The following FANCC variants were observed in gnomAD, a reference collection of about 807,000 sequenced individuals.
FANCC encodes the protein FA complementation group C, also known as Fanconi anemia group C protein.
A neutral mutation model predicts 71.3 loss-of-function variants in FANCC; 55 were observed. The ratio of observed to expected loss-of-function variants is 0.77; its 90% confidence interval spans 0.62 to 0.97. The LOEUF (loss-of-function observed/expected upper bound fraction) is 0.97. Among genes scored for constraint, FANCC ranks in the 50% least tolerant of loss-of-function variants. FANCC has a pLI of 0.00. For missense variants in FANCC, 678 were observed against 670.9 expected (o/e 1.01, Z -0.12); for synonymous variants, 275 against 244.9 (o/e 1.12, Z -1.15).
intron 7 of FANCC, among the ~76,000 whole-genome samples, chr9:95,148,548 A>G (rs1308635761): frequency 6.6e-6 from 1 of 152,246 alleles, no homozygotes; most frequent in Non-Finnish European, 1.5e-5. Context: ...GTCCACCAAC[A>G]TAAGCTTGAC....
chr9:95,222,313 G>T (rs887398477), intron 4 of FANCC, among the ~76,000 whole-genome samples: 3 of 151,826 alleles, frequency 2.0e-5, no homozygotes, highest in African/African-American at 7.3e-5. Flanking sequence ...ACAATAAAAA[G>T]TAATCAGCTA....
Position 95,258,524 on chromosome 9 carries a change from T to C in FANCC, c.-78-9155A>G, listed in dbSNP as rs554589527. On this transcript the variant is annotated intron_variant, in intron 1 of 14. Coordinates refer to ENST00000289081, the MANE Select transcript of FANCC (RefSeq NM_000136.3). Reference sequence around the variant, plus strand: ...CTAAAAACTCTCAATAAACTAGGTATTGATGGAACGTATCTCAAAATAATA... The same window carrying C: ...CTAAAAACTCTCAATAAACTAGGTACTGATGGAACGTATCTCAAAATAATA... 5.9e-5 allele frequency among the ~76,000 whole-genome samples: 9 copies of C among 152,308 alleles called. 1 individual carries two copies. Among genetic ancestry groups the C allele is most frequent in the East Asian group, 1.9e-4 (1 of 5,188 alleles).
At chr9:95,220,844 G>A (rs1372575445) in intron 4 of FANCC, among the ~76,000 whole-genome samples, 1 of 151,970 alleles carries the variant, frequency 6.6e-6, no homozygotes, top group African/African-American at 2.4e-5. Flanking sequence ...CTGTGCACAT[G>A]TACCCTAGAA....
chr9:95,302,952 C>G (rs1276674852), intron 1 of FANCC, among the ~76,000 whole-genome samples: 1 of 152,176 alleles, frequency 6.6e-6, no homozygotes, highest in Non-Finnish European at 1.5e-5. Flanking sequence ...GTTTTAAAAC[C>G]TTGAAGATGT....
At chr9:95,187,279 G>A (rs1826789050) in intron 4 of FANCC, among the ~76,000 whole-genome samples, 1 of 152,148 alleles carries the variant, frequency 6.6e-6, no homozygotes, top group African/African-American at 2.4e-5. Flanking sequence ...TATAATCTGA[G>A]AGCTGCGTAA....
intron 1 of FANCC, among the ~76,000 whole-genome samples, chr9:95,249,710 T>C (rs914020076): frequency 6.6e-6 from 1 of 152,240 alleles, no homozygotes; most frequent in African/African-American, 2.4e-5. Flanking sequence ...TTGAGTATTT[T>C]AATGTAATAG....
intron 4 of FANCC, among the ~76,000 whole-genome samples, chr9:95,180,503 A>G (rs74989503): frequency 0.033 from 4,972 of 151,692 alleles, 285 homozygotes; most frequent in African/African-American, 0.11. Flanking sequence ...TTATTTTTTA[A>G]ATTTAATTTT....
chr9:95,220,835 T>C (rs1479054651), intron 4 of FANCC, among the ~76,000 whole-genome samples: 1 of 152,058 alleles, frequency 6.6e-6, no homozygotes, highest in African/African-American at 2.4e-5. Context: ...ACCTGCACGC[T>C]GTGCACATGT....
At chr9:95,237,959 T>C (rs1003345512) in intron 4 of FANCC, among the ~76,000 whole-genome samples, 1 of 152,256 alleles carries the variant, frequency 6.6e-6, no homozygotes, top group Non-Finnish European at 1.5e-5. Flanking sequence ...TTTTATGTTT[T>C]TTAAAGCAGC....
At chr9:95,143,021 T>C (rs966103199) in intron 7 of FANCC, among the ~76,000 whole-genome samples, 1 of 152,172 alleles carries the variant, frequency 6.6e-6, no homozygotes, top group African/African-American at 2.4e-5. Flanking sequence ...CAATCACAGG[T>C]CTAGGCCTCT....
At chr9:95,138,083 T>C (rs1418336295) in intron 7 of FANCC, among the ~76,000 whole-genome samples, 1 of 152,262 alleles carries the variant, frequency 6.6e-6, no homozygotes, top group Non-Finnish European at 1.5e-5. Flanking sequence ...TGATGCTGTT[T>C]CGCTTGCACT....
intron 4 of FANCC, among the ~76,000 whole-genome samples, chr9:95,216,140 A>C (rs897681456): frequency 1.1e-4 from 16 of 152,232 alleles, no homozygotes; most frequent in African/African-American, 3.4e-4. Context: ...TAAAAGTAAA[A>C]GGATGTACCA....
rs199525333 is a variant in FANCC, at chr9:95,126,523, G to A, written c.896+6C>T. ...CAATTACTAGAAGAAACAGTGTAAC[G>A]TTTACCTGAACATCTCATCAACAAC... On this transcript the variant is annotated splice_donor_region_variant and intron_variant, in intron 9 of 14. Transcript: ENST00000289081. The A allele has an allele frequency of 4.7e-5, 76 of 1,613,536 alleles. No individual in the cohort carries two copies. Among genetic ancestry groups the A allele is most frequent in the African/African-American group, 2.7e-4 (20 of 75,022 alleles).
At chr9:95,294,562 A>G in intron 1 of FANCC, 1 of 1,539,364 alleles carries the variant, frequency 6.5e-7, no homozygotes, top group Non-Finnish European at 9.0e-7. Flanking sequence ...AGAGACACAA[A>G]CTGAAGGAAT....
chr9:95,199,311 T>TCTGCAGCCCCACC (rs11268312), intron 4 of FANCC, among the ~76,000 whole-genome samples: 1 of 151,296 alleles, frequency 6.6e-6, no homozygotes, highest in African/African-American at 2.4e-5. Flanking sequence ...CAGGATTGAC[T>TCTGCAGCCCCACC]CTGCAGCCCC....
intron 6 of FANCC, among the ~76,000 whole-genome samples, chr9:95,159,777 T>C (rs1230166889): frequency 2.6e-5 from 4 of 152,376 alleles, no homozygotes; most frequent in South Asian, 4.1e-4. Flanking sequence ...ATTTCTCTCA[T>C]GACCAGTGAT....
intron 1 of FANCC, among the ~76,000 whole-genome samples, chr9:95,314,948 C>T (rs779183399): frequency 1.3e-5 from 2 of 151,954 alleles, no homozygotes; most frequent in African/African-American, 4.8e-5. Context: ...AAAAAAATAA[C>T]AAACTGATAC....
intron 7 of FANCC, 184 bp from the exon 8 acceptor site, chr9:95,135,686 A>G: frequency 1.7e-6 from 1 of 605,650 alleles, no homozygotes; most frequent in Non-Finnish European, 2.9e-6. Context: ...AATAATGTGA[A>G]TATGCTTCCA....
chr9:95,140,281 G>A (rs943329881), intron 7 of FANCC, among the ~76,000 whole-genome samples: 6 of 151,964 alleles, frequency 3.9e-5, no homozygotes, highest in Non-Finnish European at 8.8e-5. Flanking sequence ...TGGACAGGAC[G>A]CTCTCCCCTG....
Sources: allele counts gnomAD v4.1 joint callset (sites outside exome capture counted in the v4.1 genomes callset), GRCh38; gene constraint gnomAD v4.1.1; transcripts MANE v1.5; gene names NCBI Gene and HGNC (gene_info 2026-07-23, HGNC 2026-07-21).